ADH6: variants seen among roughly 807,000 people sequenced by gnomAD.
ADH6 encodes alcohol dehydrogenase 6.
Under a neutral mutation model 36.5 loss-of-function variants are expected in ADH6, and 34 were observed. The ratio of observed to expected loss-of-function variants is 0.93; its 90% CI spans 0.71 to 1.24. The LOEUF (loss-of-function observed/expected upper bound fraction) is 1.24, where lower values mean the gene tolerates loss of function less well. Among genes scored for constraint, ADH6 ranks in the 50% most tolerant of loss-of-function variants. The pLI, the probability that ADH6 is intolerant of heterozygous loss-of-function variation, is 0.00. For synonymous variants in ADH6, 161 were observed against 155.5 expected (o/e 1.04, Z -0.26); for missense variants, 440 against 447.0 (o/e 0.98, Z 0.14).
intron 7 of ADH6, among the ~76,000 whole-genome samples, chr4:99,205,458 T>C (rs1178144394): frequency 6.6e-6 from 1 of 152,026 alleles, no homozygotes; most frequent in Non-Finnish European, 1.5e-5. Flanking sequence ...CATTCCCTCA[T>C]GTGTATGTTT....
intron 8 of ADH6, chr4:99,204,659 A>G: frequency 8.3e-7 from 1 of 1,197,814 alleles, no homozygotes; most frequent in Non-Finnish European, 1.0e-6. Flanking sequence ...TGTCATGTAA[A>G]AAAAAAATCC....
chr4:99,217,847 G>C (rs1320710234), intron 1 of ADH6, among the ~76,000 whole-genome samples: 1 of 152,088 alleles, frequency 6.6e-6, no homozygotes, highest in Admixed American at 6.5e-5. Flanking sequence ...CCTAAGCATG[G>C]GAAAAATCAG....
rs1055892545 is a variant in ADH6, at chr4:99,202,702, C to T, written c.*1517G>A. 2.5e-6 allele frequency: 1 copy of T among 397,934 alleles called. No homozygotes were observed. Among genetic ancestry groups the T allele is most frequent in the East Asian group, 3.6e-5 (1 of 28,080 alleles). The allele number at this position is 397,934 out of a possible 1,614,324, so 24.7% of individuals were successfully genotyped here. On this transcript the variant is annotated 3_prime_UTR_variant, in exon 9 of 9. Coordinates refer to ENST00000394899, the MANE Select transcript of ADH6 (RefSeq NM_001102470.2). ...GGACACTGTTTACAACAAAACGTTT[C>T]CGGGAAAACTTGGATTTCCCAAGAC...
intron 6 of ADH6, 24 bp from the exon 7 acceptor site, chr4:99,207,605 G>A: frequency 1.2e-6 from 2 of 1,608,074 alleles, no homozygotes; most frequent in African/African-American, 1.3e-5. Flanking sequence ...ATGCAATACA[G>A]TATAGGGGTT....
chr4:99,217,196 T>C (rs551008007), intron 1 of ADH6, among the ~76,000 whole-genome samples: 17 of 151,972 alleles, frequency 1.1e-4, no homozygotes, highest in South Asian at 8.3e-4. Context: ...CCACCACGCC[T>C]GGCTAATTTT....
At chr4:99,216,130 G>A (rs772273698) in intron 2 of ADH6, 31 bp downstream of exon 2, 1 of 1,178,064 alleles carries the variant, frequency 8.5e-7, no homozygotes, top group South Asian at 1.7e-5. Flanking sequence ...TTGGCTTTTG[G>A]TGTGATTTTT....
At chr4:99,213,555 G>A (rs751789495) in intron 3 of ADH6, 51 bp downstream of exon 3, 22 of 1,269,334 alleles carry the variant, frequency 1.7e-5, no homozygotes, top group African/African-American at 2.9e-5. Context: ...TCATTTTCTC[G>A]AGTTGGTTCC....
chr4:99,204,593 AC>A (rs1730953767), intron 8 of ADH6: 1 of 1,179,232 alleles, frequency 8.5e-7, no homozygotes, highest in African/African-American at 1.6e-5. Context: ...TTTGTGAACT[AC>A]CTTCTTATGT....
chr4:99,213,825 T>C, intron 2 of ADH6, 78 bp from the exon 3 acceptor site: 1 of 1,295,922 alleles, frequency 7.7e-7, no homozygotes, highest in Non-Finnish European at 1.0e-6. Flanking sequence ...TGTAAGGCTT[T>C]TTGCTAGTTT....
Position 99,202,798 on chromosome 4 carries a change from G to A in ADH6, c.*1421C>T, listed in dbSNP as rs574567666. On this transcript the variant is annotated 3_prime_UTR_variant, in exon 9 of 9. Coordinates refer to ENST00000394899, the MANE Select transcript of ADH6 (RefSeq NM_001102470.2). ...GGCAGAACAGGAACATGCCTTAGCT[G>A]CTGTCAGGAAATAGAAGAGCAGAGC... The A allele has an allele frequency of 5.1e-4, 205 of 398,132 alleles. 1 individual carries two copies. Among genetic ancestry groups the A allele is most frequent in the African/African-American group, 3.8e-3 (184 of 48,708 alleles). 24.7% of individuals were successfully genotyped at this position (398,132 alleles called of 1,614,324 possible).
chr4:99,204,529 A>G (rs1730951485), intron 8 of ADH6: 7 of 1,255,852 alleles, frequency 5.6e-6, no homozygotes, highest in Non-Finnish European at 7.0e-6. Context: ...TAGGAATCCT[A>G]TGAATAATTC....
rs1441312930 is a variant in ADH6, at chr4:99,207,323, A to G, written c.964+123T>C. ...CTTTATATTGGGTATTCATATGTTG[A>G]AAAAAAAAATCTGTAATATAAAGCT... On this transcript the variant is annotated intron_variant, in intron 7 of 8. Coordinates refer to ENST00000394899, the MANE Select transcript of ADH6 (RefSeq NM_001102470.2). 7 of 1,134,480 alleles carry G rather than the reference A, an allele frequency of 6.2e-6. No homozygotes were observed. The African/African-American group carries it at 9.5e-5, about 15-fold the overall frequency. The allele number at this position is 1,134,480 out of a possible 1,614,324, so 70.3% of individuals were successfully genotyped here.
chr4:99,213,878 T>A, intron 2 of ADH6, 131 bp from the exon 3 acceptor site: 2 of 746,478 alleles, frequency 2.7e-6, no homozygotes, highest in Non-Finnish European at 3.9e-6. Flanking sequence ...TTATCAGTTT[T>A]AATTCTAGGG....
chr4:99,216,135 ATTTTTTTTTTTTTTT>A lies in ADH6; in HGVS notation c.120+11_120+25del. 1.2e-6 allele frequency: 1 copy of A among 864,740 alleles called. No individual in the cohort carries two copies. The highest frequency in any genetic ancestry group is 1.6e-6 in the Non-Finnish European group (1 of 642,640). 53.6% of individuals were successfully genotyped at this position (864,740 alleles called of 1,614,324 possible). On this transcript the variant is annotated intron_variant, in intron 2 of 8. Coordinates refer to ENST00000394899, the MANE Select transcript of ADH6 (RefSeq NM_001102470.2). ...GCTCTGGCTTTTGGCTTTTGGTGTG[ATTTTTTTTTTTTTTT>A]TTTTTTTTACCTTTATGCGAACTTC...
chr4:99,210,409 A>G lies in ADH6; in HGVS notation c.350+6T>C, dbSNP rs1233680250. 6.2e-7 allele frequency: 1 copy of G among 1,604,774 alleles called. No individual in the cohort carries two copies. The highest frequency in any genetic ancestry group is 8.5e-7 in the Non-Finnish European group (1 of 1,172,746). ...TTTCAAAAAGAAAATATTAGTAAAA[A>G]CTTACTTGAATTGTATACAAAAATT... On this transcript the variant is annotated splice_donor_region_variant and intron_variant, in intron 4 of 8. Transcript: ENST00000394899.
intron 3 of ADH6, among the ~76,000 whole-genome samples, chr4:99,212,201 T>C (rs1006933839): frequency 6.6e-6 from 1 of 152,192 alleles, no homozygotes; most frequent in African/African-American, 2.4e-5. Context: ...TGATATTACA[T>C]ATTGCTGCAT....
At chr4:99,206,665 T>C (rs1286735544) in intron 7 of ADH6, among the ~76,000 whole-genome samples, 1 of 152,038 alleles carries the variant, frequency 6.6e-6, no homozygotes, top group Non-Finnish European at 1.5e-5. Context: ...CATAGCTTAC[T>C]TGGGGACTAC....
chr4:99,209,804 T>A (rs1330720992), intron 5 of ADH6, among the ~76,000 whole-genome samples: 1 of 152,134 alleles, frequency 6.6e-6, no homozygotes, highest in Non-Finnish European at 1.5e-5. Context: ...CACAGAGTCA[T>A]GTTGTAACTA....
At chr4:99,209,158 A>G (rs914632538) in intron 5 of ADH6, among the ~76,000 whole-genome samples, 2 of 152,180 alleles carry the variant, frequency 1.3e-5, no homozygotes, top group African/African-American at 4.8e-5. Context: ...GTAGAGTTTC[A>G]AGTCCCAGGA....
Sources: gnomAD v4.1 joint callset for allele counts (sites outside exome capture counted in the v4.1 genomes callset) on GRCh38, gnomAD v4.1.1 for gene constraint, MANE v1.5 for transcripts, NCBI Gene and HGNC (gene_info 2026-07-23, HGNC 2026-07-21) for gene names.